The following CSMD1 variants were observed in gnomAD, a reference collection of about 807,000 sequenced individuals.
CSMD1 encodes the protein CUB and Sushi multiple domains 1, also known as CUB and sushi domain-containing protein 1.
CSMD1 carries 213 observed loss-of-function variants against 417.5 expected under a neutral mutation model. The observed-to-expected ratio is 0.51, with a 90% CI of 0.46 to 0.57. CSMD1 has a LOEUF of 0.57. Among genes scored for constraint, CSMD1 ranks in the 20% least tolerant of loss-of-function variants. The pLI, the probability that CSMD1 is intolerant of heterozygous loss-of-function variation, is 0.00. For missense variants in CSMD1, 6,923 were observed against 4,529.7 expected (o/e 1.53, Z -15.17); for synonymous variants, 2,862 against 1,736.8 (o/e 1.65, Z -16.11).
At chr8:3,972,225 A>G (rs902820253) in intron 5 of CSMD1, among the ~76,000 whole-genome samples, 1 of 152,188 alleles carries the variant, frequency 6.6e-6, no homozygotes, top group Non-Finnish European at 1.5e-5. Flanking sequence ...GCAGGGAGAA[A>G]AAAAAAAGAA....
At chr8:3,891,342 G>A (rs542828126) in intron 5 of CSMD1, among the ~76,000 whole-genome samples, 26 of 152,166 alleles carry the variant, frequency 1.7e-4, no homozygotes, top group Admixed American at 2.6e-4. Context: ...GAGCCACCGC[G>A]CCTATCCTGA....
chr8:4,859,261 C>G (rs922538124), intron 1 of CSMD1, among the ~76,000 whole-genome samples: 1 of 150,834 alleles, frequency 6.6e-6, no homozygotes, highest in Non-Finnish European at 1.5e-5. Flanking sequence ...ATACAAAAAT[C>G]AATTCAAGAT....
intron 3 of CSMD1, among the ~76,000 whole-genome samples, chr8:4,233,447 G>C (rs998337227): frequency 1.3e-5 from 2 of 152,192 alleles, no homozygotes; most frequent in Non-Finnish European, 2.9e-5. Flanking sequence ...ATGGTATTTG[G>C]AGATGGGACC....
rs375888990 is a variant in CSMD1 at position 3,472,670 on chromosome 8, C to T, written c.1449-3846G>A. 3.2e-4 allele frequency among the ~76,000 whole-genome samples: 48 copies of T among 152,150 alleles called. No individual in the cohort carries two copies. The South Asian group carries it at 7.5e-3, about 24-fold the overall frequency. On this transcript the variant is annotated intron_variant, in intron 11 of 69. Coordinates refer to ENST00000635120, the MANE Select transcript of CSMD1 (RefSeq NM_033225.6). ...CTGAATTATAGTCAGTGTATTTTTC[C>T]TATTGCCATTTGTTATTGCCCTAAG... is the stretch of plus-strand genomic sequence containing the variant.
intron 3 of CSMD1, among the ~76,000 whole-genome samples, chr8:4,326,547 C>T (rs983959549): frequency 6.6e-6 from 1 of 152,070 alleles, no homozygotes; most frequent in African/African-American, 2.4e-5. Context: ...CAAAGGTGGG[C>T]ATAAAGGAAA....
chr8:3,924,562 G>C (rs889650508), intron 5 of CSMD1, among the ~76,000 whole-genome samples: 8 of 152,084 alleles, frequency 5.3e-5, no homozygotes, highest in Non-Finnish European at 1.2e-4. Flanking sequence ...TTGTGTATCA[G>C]TTTTGTCCCT....
At chr8:4,051,675 C>T (rs948058546) in intron 3 of CSMD1, among the ~76,000 whole-genome samples, 4 of 152,060 alleles carry the variant, frequency 2.6e-5, no homozygotes, top group African/African-American at 9.7e-5. Flanking sequence ...ATTTTCTGTA[C>T]TGATCAAGGC....
chr8:3,680,392 G>C (rs1035007567), intron 7 of CSMD1, among the ~76,000 whole-genome samples: 1 of 152,160 alleles, frequency 6.6e-6, no homozygotes, highest in African/African-American at 2.4e-5. Flanking sequence ...ACTACCATCA[G>C]AGAATACTAT....
At chr8:4,164,294 G>A (rs182962785) in intron 3 of CSMD1, among the ~76,000 whole-genome samples, 134 of 152,114 alleles carry the variant, frequency 8.8e-4, no homozygotes, top group African/African-American at 3.2e-3. Context: ...GGATACAAAT[G>A]ATAAATATAG....
intron 3 of CSMD1, among the ~76,000 whole-genome samples, chr8:4,199,020 A>G (rs1220396762): frequency 1.3e-5 from 2 of 152,114 alleles, no homozygotes; most frequent in East Asian, 3.9e-4. Context: ...TTCACTTTCA[A>G]TCCCCTATGT....
chr8:4,894,257 C>CCTAT (rs1804326246), intron 1 of CSMD1, among the ~76,000 whole-genome samples: 1 of 151,968 alleles, frequency 6.6e-6, no homozygotes, highest in African/African-American at 2.4e-5. Context: ...TGATCTTTTA[C>CCTAT]CTATCAAGTC....
At chr8:4,993,652 C>G (rs1481344013) in intron 1 of CSMD1, among the ~76,000 whole-genome samples, 1 of 152,154 alleles carries the variant, frequency 6.6e-6, no homozygotes, top group Admixed American at 6.5e-5. Context: ...ACTTGGAAGC[C>G]GGTCCAGAAC....
intron 3 of CSMD1, among the ~76,000 whole-genome samples, chr8:4,243,958 G>C (rs1294460236): frequency 6.6e-6 from 1 of 152,280 alleles, no homozygotes; most frequent in Middle Eastern, 3.4e-3. Flanking sequence ...ATCATCAGTA[G>C]CAGGTGGGAA....
At chr8:4,179,054 C>T (rs1798210819) in intron 3 of CSMD1, among the ~76,000 whole-genome samples, 1 of 152,086 alleles carries the variant, frequency 6.6e-6, no homozygotes, top group Non-Finnish European at 1.5e-5. Flanking sequence ...CAATGACTTT[C>T]TTCACATAAT....
intron 18 of CSMD1, among the ~76,000 whole-genome samples, chr8:3,374,734 C>T (rs998275199): frequency 3.3e-5 from 5 of 152,056 alleles, no homozygotes; most frequent in Non-Finnish European, 5.9e-5. Context: ...GTTTCTCTGC[C>T]AACTCATTCC....
intron 10 of CSMD1, among the ~76,000 whole-genome samples, chr8:3,563,259 A>G (rs1448140928): frequency 6.6e-6 from 1 of 151,910 alleles, no homozygotes; most frequent in East Asian, 1.9e-4. Flanking sequence ...GATTTTAGTG[A>G]CTTTTCTCAC....
chr8:3,382,481 ATATT>A (rs1452867145), intron 18 of CSMD1, among the ~76,000 whole-genome samples: 1 of 137,848 alleles, frequency 7.3e-6, no homozygotes, highest in South Asian at 2.1e-4. Flanking sequence ...TATAATCTAT[ATATT>A]TAATTAGTTA....
At chr8:4,954,537 T>A (rs940417917) in intron 1 of CSMD1, among the ~76,000 whole-genome samples, 2 of 152,110 alleles carry the variant, frequency 1.3e-5, no homozygotes, top group African/African-American at 2.4e-5. Context: ...TAGATTTTAT[T>A]TTTTTAAAAA....
chr8:3,295,080 A>G (rs922917614), intron 25 of CSMD1, among the ~76,000 whole-genome samples: 4 of 151,964 alleles, frequency 2.6e-5, no homozygotes, highest in African/African-American at 9.7e-5. Context: ...ATATTACTTG[A>G]CATGTGTGTG....
Sources: gnomAD v4.1 joint callset for allele counts (sites outside exome capture counted in the v4.1 genomes callset) on GRCh38, gnomAD v4.1.1 for gene constraint, MANE v1.5 for transcripts, NCBI Gene and HGNC (gene_info 2026-07-23, HGNC 2026-07-21) for gene names.